The following LRRC4C variants were observed in gnomAD, a reference collection of about 807,000 sequenced individuals.
The protein encoded by LRRC4C is leucine rich repeat containing 4C.
LRRC4C carries 5 observed loss-of-function variants against 33.6 expected under a neutral mutation model. The observed-to-expected ratio is 0.15, with a 90% CI of 0.08 to 0.31. The LOEUF is 0.31. Ranked by LOEUF, LRRC4C falls within the 10% of genes least tolerant of loss-of-function variation. LRRC4C has a pLI of 1.00. For missense variants in LRRC4C, 560 were observed against 796.7 expected, an observed-to-expected ratio of 0.70 and a Z score of 3.58; for synonymous variants, 329 against 302.0, an observed-to-expected ratio of 1.09 and a Z score of -0.93.
intron 2 of LRRC4C, among the ~76,000 whole-genome samples, chr11:40,668,325 C>T (rs1436061655): frequency 6.6e-6 from 1 of 152,130 alleles, no homozygotes; most frequent in East Asian, 1.9e-4. Context: ...ATAACTGTAT[C>T]TATTATTGGA....
At chr11:40,672,322 T>C (rs979384555) in intron 2 of LRRC4C, among the ~76,000 whole-genome samples, 4 of 152,160 alleles carry the variant, frequency 2.6e-5, no homozygotes, top group African/African-American at 7.2e-5. Flanking sequence ...ATCCTTATGA[T>C]CTAATCACCT....
At chr11:41,255,564 C>T (rs961789365) in intron 1 of LRRC4C, among the ~76,000 whole-genome samples, 3 of 151,824 alleles carry the variant, frequency 2.0e-5, no homozygotes, top group African/African-American at 7.3e-5. Context: ...TTTTTATGTA[C>T]CAGGCAGCAT....
At chr11:40,306,024 C>T (rs754719694) in intron 4 of LRRC4C, among the ~76,000 whole-genome samples, 1 of 152,164 alleles carries the variant, frequency 6.6e-6, no homozygotes, top group Non-Finnish European at 1.5e-5. Context: ...ATGTGACCAA[C>T]GAAACAGAAC....
chr11:41,220,343 T>A (rs1162501211), intron 1 of LRRC4C, among the ~76,000 whole-genome samples: 5 of 152,094 alleles, frequency 3.3e-5, no homozygotes, highest in Admixed American at 3.3e-4. Flanking sequence ...AAGGAAGGGC[T>A]CATGCTCTTA....
chr11:40,258,408 CATTCTA>C (rs1300816806), intron 4 of LRRC4C, among the ~76,000 whole-genome samples: 2 of 152,120 alleles, frequency 1.3e-5, no homozygotes, highest in African/African-American at 2.4e-5. Flanking sequence ...TCAAATATCC[CATTCTA>C]ATTCTATGTA....
intron 2 of LRRC4C, among the ~76,000 whole-genome samples, chr11:40,778,874 T>C (rs1205883020): frequency 2.0e-5 from 3 of 152,000 alleles, no homozygotes; most frequent in Non-Finnish European, 4.4e-5. Context: ...GGGAATGAGA[T>C]TGGAGACTGA....
At chr11:40,459,379 A>C (rs941799512) in intron 3 of LRRC4C, among the ~76,000 whole-genome samples, 1 of 152,080 alleles carries the variant, frequency 6.6e-6, no homozygotes, top group Non-Finnish European at 1.5e-5. Flanking sequence ...GATCGTCAGC[A>C]CTCAGGAATC....
chr11:41,232,989 T>A (rs1428428823), intron 1 of LRRC4C, among the ~76,000 whole-genome samples: 1 of 152,086 alleles, frequency 6.6e-6, no homozygotes, highest in Non-Finnish European at 1.5e-5. Flanking sequence ...AAATATAACC[T>A]CCTGGGCAAT....
intron 4 of LRRC4C, among the ~76,000 whole-genome samples, chr11:40,264,241 G>A (rs548883398): frequency 1.6e-4 from 25 of 152,078 alleles, no homozygotes; most frequent in Admixed American, 3.3e-4. Flanking sequence ...AGGAAGAAAC[G>A]CTACCTCCAG....
intron 1 of LRRC4C, among the ~76,000 whole-genome samples, chr11:41,428,761 T>C (rs1371035384): frequency 6.6e-6 from 1 of 152,136 alleles, no homozygotes; most frequent in African/African-American, 2.4e-5. Flanking sequence ...CACAAGTATT[T>C]AATCACCTAT....
intron 1 of LRRC4C, among the ~76,000 whole-genome samples, chr11:41,328,732 A>C (rs1254814150): frequency 1.3e-5 from 2 of 152,206 alleles, no homozygotes; most frequent in Non-Finnish European, 2.9e-5. Flanking sequence ...CAGTCGTGAC[A>C]TAAAGGACAT....
intron 5 of LRRC4C, among the ~76,000 whole-genome samples, chr11:40,183,502 A>G (rs1322779260): frequency 6.6e-6 from 1 of 152,236 alleles, no homozygotes; most frequent in Non-Finnish European, 1.5e-5. Context: ...TGAGAAGACT[A>G]GAATCAATCA....
At chr11:40,397,755 G>A (rs895741952) in intron 3 of LRRC4C, among the ~76,000 whole-genome samples, 41 of 151,934 alleles carry the variant, frequency 2.7e-4, no homozygotes, top group African/African-American at 8.0e-4. Flanking sequence ...CCAGTATGGC[G>A]GAAGGCATAG....
chr11:40,898,893 A>G (rs1412109910), intron 2 of LRRC4C, among the ~76,000 whole-genome samples: 1 of 152,164 alleles, frequency 6.6e-6, no homozygotes, highest in Non-Finnish European at 1.5e-5. Context: ...ACACAAAGCT[A>G]CTTGGTATCT....
chr11:41,214,575 C>CAAAAAAAAAAAAAAAAAAAAAAAAAAA (rs547167050), intron 1 of LRRC4C, among the ~76,000 whole-genome samples: 1 of 34,770 alleles, frequency 2.9e-5, no homozygotes, highest in African/African-American at 1.2e-4. Context: ...ACTAAAAATA[C>CAAAAAAAAAAAAAAAAAAAAAAAAAAA]AAAAAAAAAA....
At chr11:40,313,846 C>A (rs913581394) in intron 4 of LRRC4C, among the ~76,000 whole-genome samples, 5 of 151,864 alleles carry the variant, frequency 3.3e-5, no homozygotes, top group Non-Finnish European at 5.9e-5. Flanking sequence ...ATCTCTTGAC[C>A]TCGTGATCCG....
chr11:41,068,719 A>G (rs1421108445), intron 1 of LRRC4C, among the ~76,000 whole-genome samples: 1 of 152,162 alleles, frequency 6.6e-6, no homozygotes, highest in Non-Finnish European at 1.5e-5. Context: ...AAATCCCTGA[A>G]TAGACCAATA....
intron 3 of LRRC4C, among the ~76,000 whole-genome samples, chr11:40,488,743 C>A (rs899414136): frequency 1.3e-5 from 2 of 152,056 alleles, no homozygotes; most frequent in Non-Finnish European, 2.9e-5. Flanking sequence ...CTTGACACAT[C>A]CTGTGCTTCC....
chr11:40,448,711 TG>T (rs1409242770), intron 3 of LRRC4C, among the ~76,000 whole-genome samples: 1 of 152,168 alleles, frequency 6.6e-6, no homozygotes, highest in Non-Finnish European at 1.5e-5. Flanking sequence ...AATAAACATA[TG>T]TGTGCATGTG....
Sources: gnomAD v4.1 joint callset for allele counts (sites outside exome capture counted in the v4.1 genomes callset) on GRCh38, gnomAD v4.1.1 for gene constraint, MANE v1.5 for transcripts, NCBI Gene and HGNC (gene_info 2026-07-23, HGNC 2026-07-21) for gene names.